Variants in FYCO1 observed in about 807,000 individuals in gnomAD.
FYCO1 encodes the protein FYVE and coiled-coil domain autophagy adaptor 1, also known as FYVE and coiled-coil domain-containing protein 1.
FYCO1 carries 122 observed loss-of-function variants against 165.1 expected under a neutral mutation model. The observed-to-expected ratio is 0.74, with a 90% CI of 0.64 to 0.86. The LOEUF is 0.86. Ranked by LOEUF, FYCO1 falls within the 40% of genes least tolerant of loss-of-function variation. FYCO1 has a pLI of 0.00. For synonymous variants in FYCO1, 648 were observed against 742.5 expected, an observed-to-expected ratio of 0.87 and a Z score of 2.07; for missense variants, 1,702 against 1,810.3, an observed-to-expected ratio of 0.94 and a Z score of 1.09.
chr3:45,921,780 TC>T lies in FYCO1; in HGVS notation c.4421del (p.Gly1474GlufsTer81). On this transcript the variant is annotated frameshift_variant, in exon 18 of 18. Coordinates refer to ENST00000296137, the MANE Select transcript of FYCO1 (RefSeq NM_024513.4). LOFTEE classifies it high-confidence loss of function. Reference protein sequence around the residue: ...LTVDRPVIYDGSDFL With the variant: ...LTVDRPVIYDXSDFL ...GGTGCTGAAGCTACAGGAAATCACT[TC>T]CATCGTAGATCACAGGCCGATCAAC... The T allele has an allele frequency of 6.2e-7, 1 of 1,610,062 alleles. No individual in the cohort carries two copies. Among genetic ancestry groups the T allele is most frequent in the Non-Finnish European group, 8.5e-7 (1 of 1,176,222 alleles).
At chr3:45,979,660 A>G (rs1706946399) in intron 4 of FYCO1, 45 bp downstream of exon 4, 2 of 1,611,004 alleles carry the variant, frequency 1.2e-6, no homozygotes, top group African/African-American at 2.7e-5. Flanking sequence ...TGCTTTAAGC[A>G]GGCAAAAGGA....
intron 14 of FYCO1, chr3:45,947,670 G>T: frequency 1.6e-6 from 1 of 636,704 alleles, no homozygotes; most frequent in Admixed American, 2.9e-5. Context: ...GCATGAACAT[G>T]TACTGTTCTC....
chr3:45,951,475 G>A (rs188898106), intron 14 of FYCO1, among the ~76,000 whole-genome samples: 2 of 152,314 alleles, frequency 1.3e-5, no homozygotes, highest in Admixed American at 1.3e-4. Flanking sequence ...GGGCCTCAAG[G>A]AGGCCATGAC....
In FYCO1 at chr3:45,958,428, G is replaced by C. The variant is rs144182297; in HGVS notation, c.3779C>G (p.Pro1260Arg). The change falls in exon 13 of 18, where the codon CCC (proline) becomes CGC (arginine). Residue 1260 changes from proline (P) to arginine (R), a missense_variant. Pro to Arg is a moderately radical substitution (Grantham distance 103). Transcript: ENST00000296137. ...CTGACCTTGGCCTCCTGTGGCCTGG[G>C]GCCCAGGTGAGGCTGGTGACAGTGC... ...SPALSPASPG[P>R]QATGGQGANT... The C allele has an allele frequency of 4.1e-4, 665 of 1,612,564 alleles. 2 individuals are homozygous for C. In the African/African-American group the frequency reaches 8.0e-3, roughly 19 times the overall value.
In FYCO1 at chr3:45,954,320, GC is replaced by G. The variant is rs530959707; in HGVS notation, c.3944+928del. The stretch of plus-strand genomic sequence containing the variant: ...TCTTCTTCCAGTGTGGTCCAGGGAA[GC>G]CAAAAGACTGGACACCCCTGCTCTG... On this transcript the variant is annotated intron_variant, in intron 14 of 17. Coordinates refer to ENST00000296137, the MANE Select transcript of FYCO1 (RefSeq NM_024513.4). 2.7e-3 allele frequency among the ~76,000 whole-genome samples: 414 copies of G among 152,240 alleles called. 1 individual carries two copies. The highest frequency in any genetic ancestry group is 9.5e-3 in the African/African-American group (394 of 41,524).
Position 45,958,479 on chromosome 3 carries a change from C to T in FYCO1, c.3728G>A (p.Gly1243Asp), listed in dbSNP as rs779665916. 5.0e-6 allele frequency: 8 copies of T among 1,613,802 alleles called. No homozygotes were observed. The East Asian group carries it at 1.8e-4, about 36-fold the overall frequency. ...GPGSPDSSGS[G>D]TSQGEPSPAL... ...AGGGCTGGGCTCTCCCTGGCTAGTG[C>T]CTGAGCCACTGCTATCAGGGGAGCC... is the stretch of plus-strand genomic sequence containing the variant. The change falls in exon 13 of 18, where the codon GGC (glycine) becomes GAC (aspartate). Residue 1243 changes from glycine (G) to aspartate (D), a missense_variant. Coordinates refer to ENST00000296137, the MANE Select transcript of FYCO1 (RefSeq NM_024513.4).
At chr3:45,983,650 A>G (rs1575387181) in intron 2 of FYCO1, among the ~76,000 whole-genome samples, 1 of 152,332 alleles carries the variant, frequency 6.6e-6, no homozygotes, top group East Asian at 1.9e-4. Flanking sequence ...AGAAAAGACT[A>G]TCTACTTTAT....
chr3:45,930,636 TG>T (rs1000232177), intron 16 of FYCO1, among the ~76,000 whole-genome samples: 77 of 152,210 alleles, frequency 5.1e-4, no homozygotes, highest in African/African-American at 1.6e-3. Context: ...CAAGTGACAT[TG>T]GGGTTGTCTC....
intron 11 of FYCO1, among the ~76,000 whole-genome samples, chr3:45,961,534 C>T (rs1182604100): frequency 1.1e-4 from 17 of 151,362 alleles, no homozygotes; most frequent in Admixed American, 2.6e-4. Context: ...GCCAAGATCA[C>T]GCCACTGTAC....
At chr3:45,977,784 C>T (rs973824326) in intron 4 of FYCO1, among the ~76,000 whole-genome samples, 8 of 152,226 alleles carry the variant, frequency 5.3e-5, no homozygotes, top group African/African-American at 4.8e-5. Context: ...AAATAGCTAC[C>T]GCCTACCTCA....
intron 1 of FYCO1, among the ~76,000 whole-genome samples, chr3:45,986,029 AT>A (rs1707298278): frequency 6.6e-6 from 1 of 152,242 alleles, no homozygotes; most frequent in Non-Finnish European, 1.5e-5. Context: ...TACACACATG[AT>A]CACTTTTAAT....
intron 1 of FYCO1, among the ~76,000 whole-genome samples, chr3:45,987,925 C>T (rs1384213418): frequency 6.6e-6 from 1 of 152,244 alleles, no homozygotes; most frequent in East Asian, 1.9e-4. Flanking sequence ...CAACACACTC[C>T]TTTAAGACTT....
intron 5 of FYCO1, among the ~76,000 whole-genome samples, chr3:45,974,236 G>C (rs779234618): frequency 1.3e-5 from 2 of 152,142 alleles, no homozygotes; most frequent in Non-Finnish European, 2.9e-5. Context: ...AAATTAGCCA[G>C]ACACAGTGGT....
chr3:45,972,053 G>A (rs1706476065), intron 6 of FYCO1, among the ~76,000 whole-genome samples: 1 of 152,168 alleles, frequency 6.6e-6, no homozygotes, highest in African/African-American at 2.4e-5. Context: ...AACAATTATA[G>A]TAAAATATCG....
rs376747410 is a variant in FYCO1, at chr3:45,973,247, T to C, written c.396-16A>G. ...GTACCAGTCACTGCAGAAAAACATG[T>C]CAATTATAAGAGTAATAAAGATAAA... On this transcript the variant is annotated splice_polypyrimidine_tract_variant and intron_variant, in intron 5 of 17. Coordinates refer to ENST00000296137, the MANE Select transcript of FYCO1 (RefSeq NM_024513.4). 8.1e-6 allele frequency: 13 copies of C among 1,613,192 alleles called. No individual in the cohort carries two copies. Among genetic ancestry groups the C allele is most frequent in the African/African-American group, 2.7e-5 (2 of 74,918 alleles).
intron 14 of FYCO1, chr3:45,947,215 T>G (rs1704673877): frequency 6.2e-7 from 1 of 1,614,090 alleles, no homozygotes; most frequent in South Asian, 1.1e-5. Flanking sequence ...CTGACCCAGA[T>G]GCCCTTCAAC....
intron 14 of FYCO1, 133 bp downstream of exon 14, chr3:45,955,116 C>G: frequency 9.2e-7 from 1 of 1,082,878 alleles, no homozygotes; most frequent in South Asian, 1.3e-5. Context: ...TCAAGGCCAT[C>G]GCAAGCACTG....
At chr3:45,952,900 C>A (rs1032017577) in intron 14 of FYCO1, among the ~76,000 whole-genome samples, 1 of 152,156 alleles carries the variant, frequency 6.6e-6, no homozygotes, top group Admixed American at 6.5e-5. Flanking sequence ...TGGAATGGAA[C>A]ATGCCCCAGG....
At chr3:45,984,714 T>C in intron 2 of FYCO1, 142 bp downstream of exon 2, 1 of 808,358 alleles carries the variant, frequency 1.2e-6, no homozygotes, top group South Asian at 1.4e-5. Context: ...GACCCAAATA[T>C]TTCAATATGA....
Sources: allele counts gnomAD v4.1 joint callset (sites outside exome capture counted in the v4.1 genomes callset), GRCh38; gene constraint gnomAD v4.1.1; transcripts MANE v1.5; gene names NCBI Gene and HGNC (gene_info 2026-07-23, HGNC 2026-07-21).